The following SNRNP48 variants were observed in gnomAD, a reference collection of about 807,000 sequenced individuals.
SNRNP48 encodes U11/U12 small nuclear ribonucleoprotein 48 kDa protein.
In SNRNP48, 43 loss-of-function variants were observed where a neutral mutation model predicts 47.0. That is an observed-to-expected ratio of 0.92 (90% confidence interval 0.72 to 1.18). The LOEUF (loss-of-function observed/expected upper bound fraction) is 1.18, where lower values mean the gene tolerates loss of function less well. Among genes scored for constraint, SNRNP48 ranks in the 50% most tolerant of loss-of-function variants. The pLI is 0.00. For synonymous variants in SNRNP48, 138 were observed against 144.0 expected, an observed-to-expected ratio of 0.96 and a Z score of 0.30; for missense variants, 396 against 422.2, an observed-to-expected ratio of 0.94 and a Z score of 0.54.
chr6:7,598,749 T>G (rs1759956905), intron 4 of SNRNP48, among the ~76,000 whole-genome samples: 1 of 152,208 alleles, frequency 6.6e-6, no homozygotes, highest in Admixed American at 6.5e-5. Context: ...AGGTTTTATA[T>G]GTATGTTTTC....
intron 4 of SNRNP48, among the ~76,000 whole-genome samples, chr6:7,597,380 A>G (rs1176504098): frequency 6.6e-6 from 1 of 152,228 alleles, no homozygotes; most frequent in Non-Finnish European, 1.5e-5. Flanking sequence ...ATCTCTGCAT[A>G]CTAATCGTGA....
At chr6:7,595,373 G>A (rs980014560) in intron 4 of SNRNP48, among the ~76,000 whole-genome samples, 7 of 121,568 alleles carry the variant, frequency 5.8e-5, no homozygotes, top group Admixed American at 7.6e-5. Context: ...TTGTCTTGTG[G>A]CTAATTAAAA....
At position 7,606,106 on chromosome 6, in the gene SNRNP48, A is replaced by T; in HGVS notation, c.882A>T (p.Arg294=). The T allele has an allele frequency of 6.2e-7, 1 of 1,614,026 alleles. No individual in the cohort carries two copies. The highest frequency in any genetic ancestry group is 1.1e-5 in the South Asian group (1 of 91,054). Reference sequence around the variant, plus strand: ...GCTATTTGGATGCTGAGTGTTCACGACATAGAAGGGATAGGAGTAGAAGCC... The same window carrying T: ...GCTATTTGGATGCTGAGTGTTCACGTCATAGAAGGGATAGGAGTAGAAGCC... The part of the protein sequence containing the change: ...GGSYLDAECS[R]HRRDRSRSPH... The change falls in exon 8 of 9, where the codon CGA becomes CGT. Residue 294 remains arginine, a synonymous_variant. Coordinates refer to ENST00000342415, the MANE Select transcript of SNRNP48 (RefSeq NM_152551.4).
At chr6:7,603,710 C>T (rs1346402104) in intron 6 of SNRNP48, among the ~76,000 whole-genome samples, 1 of 152,198 alleles carries the variant, frequency 6.6e-6, no homozygotes, top group Non-Finnish European at 1.5e-5. Flanking sequence ...TACCACACAG[C>T]TTAGCTCTAA....
intron 3 of SNRNP48, 85 bp from the exon 4 acceptor site, chr6:7,594,942 G>T: frequency 8.5e-7 from 1 of 1,174,668 alleles, no homozygotes; most frequent in Non-Finnish European, 1.2e-6. Context: ...CGTGCCCAAA[G>T]GGCTTGGATC....
chr6:7,591,823 G>T (rs1759823824), intron 1 of SNRNP48, among the ~76,000 whole-genome samples: 1 of 152,200 alleles, frequency 6.6e-6, no homozygotes. Context: ...CTAGTAAATG[G>T]CAGTTAGGAT....
At chr6:7,595,542 T>C (rs1759889503) in intron 4 of SNRNP48, among the ~76,000 whole-genome samples, 1 of 152,240 alleles carries the variant, frequency 6.6e-6, no homozygotes, top group Non-Finnish European at 1.5e-5. Context: ...CATTTTCAAC[T>C]TAACGGTATT....
intron 2 of SNRNP48, 124 bp from the exon 3 acceptor site, chr6:7,593,975 G>A: frequency 1.0e-6 from 1 of 975,526 alleles, no homozygotes; most frequent in Non-Finnish European, 1.5e-6. Flanking sequence ...GGGTTGGTTG[G>A]TACTTGCCTA....
intron 1 of SNRNP48, among the ~76,000 whole-genome samples, chr6:7,593,204 A>G (rs1759849007): frequency 6.6e-6 from 1 of 152,076 alleles, no homozygotes; most frequent in African/African-American, 2.4e-5. Flanking sequence ...ATGAAAACCA[A>G]CATCTAAAGG....
Position 7,593,998 on chromosome 6 carries a change from A to C in SNRNP48, c.271-101A>C. 4.1e-6 allele frequency: 4 copies of C among 983,196 alleles called. No individual in the cohort carries two copies. The South Asian group carries it at 6.5e-5, about 16-fold the overall frequency. The allele number at this position is 983,196 out of a possible 1,614,324, so 60.9% of individuals were successfully genotyped here. On this transcript the variant is annotated intron_variant, in intron 2 of 8. Transcript: ENST00000342415. ...TGGTACTTGCCTAATTGCACAAATTATTGTGAGAAATAATTAAGTGATACT... is the reference window on the plus strand; with the variant it reads ...TGGTACTTGCCTAATTGCACAAATTCTTGTGAGAAATAATTAAGTGATACT...
intron 3 of SNRNP48, among the ~76,000 whole-genome samples, 180 bp downstream of exon 3, chr6:7,594,339 G>A (rs1759867831): frequency 6.6e-6 from 1 of 152,190 alleles, no homozygotes; most frequent in South Asian, 2.1e-4. Flanking sequence ...GAAGTTTAGA[G>A]ACCAGGCTTG....
intron 2 of SNRNP48, 28 bp downstream of exon 2, chr6:7,593,875 A>T (rs372571214): frequency 1.2e-4 from 177 of 1,416,516 alleles, no homozygotes; most frequent in Non-Finnish European, 1.2e-4. Context: ...TATTATATAT[A>T]CATATATGTC....
At chr6:7,593,662 TA>T in intron 1 of SNRNP48, 71 bp from the exon 2 acceptor site, 2 of 990,542 alleles carry the variant, frequency 2.0e-6, no homozygotes, top group East Asian at 2.7e-5. Context: ...AATTAAATGG[TA>T]AACATTTAAT....
rs1759792441 is a variant in SNRNP48 at position 7,590,348 on chromosome 6, G to A, written c.91G>A (p.Glu31Lys). The change falls in exon 1 of 9, where the codon GAG becomes AAG. Residue 31 changes from glutamate to lysine, a missense_variant. Transcript: ENST00000342415. ...GGAGAGCGGCTGCCGGACGTTGGAG[G>A]AGGTGACCGCGTCCCTGGGCTGGGA... is the stretch of plus-strand genomic sequence containing the variant. ...FVESGCRTLE[E>K]VTASLGWDLD... 7.2e-7 allele frequency: 1 copy of A among 1,395,734 alleles called. No individual in the cohort carries two copies. Among genetic ancestry groups the A allele is most frequent in the Non-Finnish European group, 9.4e-7 (1 of 1,062,020 alleles). 86.5% of individuals were successfully genotyped at this position (1,395,734 alleles called of 1,614,324 possible). A position where few individuals can be genotyped will look rare whatever the true frequency, so the allele number is the denominator to read the frequency against.
At chr6:7,602,595 T>C (rs952313018) in intron 5 of SNRNP48, 28 bp from the exon 6 acceptor site, 88 of 1,518,124 alleles carry the variant, frequency 5.8e-5, no homozygotes, top group Non-Finnish European at 7.7e-5. Flanking sequence ...TTGAAGGATA[T>C]AATACTTTTA....
In SNRNP48 at chr6:7,610,622, T is replaced by TA. The variant is rs1465188497; in HGVS notation, c.*1750dup. 2.0e-5 allele frequency: 3 copies of TA among 152,156 alleles called. No individual in the cohort carries two copies. 9.4% of individuals were successfully genotyped at this position (152,156 alleles called of 1,614,324 possible). ...ATTTAGGTTTTTTGTAGAAGAAAGA[T>TA]ACAAGTGAAAATTAGGAGTGGATTG... is the stretch of plus-strand genomic sequence containing the variant. On this transcript the variant is annotated 3_prime_UTR_variant, in exon 9 of 9. Coordinates refer to ENST00000342415, the MANE Select transcript of SNRNP48 (RefSeq NM_152551.4).
At chr6:7,590,491 G>C in intron 1 of SNRNP48, 78 bp downstream of exon 1, 1 of 1,240,858 alleles carries the variant, frequency 8.1e-7, no homozygotes, top group East Asian at 3.2e-5. Context: ...ATCCGCACTG[G>C]CAGCCGCGGA....
chr6:7,601,549 A>G (rs1230245300), intron 5 of SNRNP48, 25 bp downstream of exon 5: 1 of 1,519,768 alleles, frequency 6.6e-7, no homozygotes, highest in South Asian at 1.3e-5. Flanking sequence ...TCATGGCTTT[A>G]CATTTCTTCA....
intron 4 of SNRNP48, chr6:7,600,664 C>T (rs576342228): frequency 1.9e-4 from 29 of 152,198 alleles, no homozygotes; most frequent in African/African-American, 6.5e-4. Flanking sequence ...GGGGGCACTG[C>T]TATTAACTTT....
Sources: allele counts gnomAD v4.1 joint callset (sites outside exome capture counted in the v4.1 genomes callset), GRCh38; gene constraint gnomAD v4.1.1; transcripts MANE v1.5; gene names NCBI Gene and HGNC (gene_info 2026-07-23, HGNC 2026-07-21).